The following YES1 variants were observed in gnomAD, a reference collection of about 807,000 sequenced individuals.
YES1 encodes tyrosine-protein kinase Yes.
YES1 carries 39 observed loss-of-function variants against 70.4 expected under a neutral mutation model. The ratio of observed to expected loss-of-function variants is 0.55; its 90% confidence interval spans 0.43 to 0.72. YES1 has a LOEUF of 0.72. YES1 is among the 30% of genes least tolerant of loss of function. YES1 has a pLI of 0.00. For synonymous variants in YES1, 198 were observed against 218.6 expected (o/e 0.91, Z 0.83); for missense variants, 495 against 644.8 (o/e 0.77, Z 2.52).
At chr18:768,692 GTTATTTATTTAT>G in intron 1 of YES1, among the ~76,000 whole-genome samples, 1 of 151,970 alleles carries the variant, frequency 6.6e-6, no homozygotes, top group South Asian at 2.1e-4. Flanking sequence ...GTTTAGATAT[GTTATTTATTTAT>G]TTATTTATTT....
At chr18:811,995 G>C (rs918396081) in intron 1 of YES1, 119 bp downstream of exon 1, 7 of 161,852 alleles carry the variant, frequency 4.3e-5, no homozygotes, top group African/African-American at 1.1e-4. Flanking sequence ...TTCCCGACTC[G>C]GGCCCGCGGG....
intron 1 of YES1, among the ~76,000 whole-genome samples, chr18:772,616 G>A (rs1371055480): frequency 6.7e-6 from 1 of 148,864 alleles, no homozygotes; most frequent in Non-Finnish European, 1.5e-5. Context: ...ATTTTTAGTA[G>A]AGACAGAGTT....
intron 1 of YES1, among the ~76,000 whole-genome samples, chr18:801,095 G>A (rs964221984): frequency 6.6e-6 from 1 of 152,114 alleles, no homozygotes; most frequent in Non-Finnish European, 1.5e-5. Context: ...GCAGTGAGCT[G>A]AGATCACGTC....
intron 1 of YES1, among the ~76,000 whole-genome samples, chr18:810,708 C>A (rs889243585): frequency 2.6e-5 from 4 of 152,134 alleles, no homozygotes; most frequent in African/African-American, 7.2e-5. Context: ...TAGCTAATGT[C>A]CAAAAATAAA....
intron 11 of YES1, among the ~76,000 whole-genome samples, chr18:730,396 G>A (rs1004539735): frequency 6.7e-6 from 1 of 150,296 alleles, no homozygotes; most frequent in Non-Finnish European, 1.5e-5. Flanking sequence ...CCAGGCTGGA[G>A]TGCAGTGGCG....
chr18:739,734 C>G lies in YES1; in HGVS notation c.1137+1G>C, dbSNP rs776251115. On this transcript the variant is annotated splice_donor_variant, in intron 9 of 11. Coordinates refer to ENST00000314574, the MANE Select transcript of YES1 (RefSeq NM_005433.4). LOFTEE classifies it high-confidence loss of function. ...ATGGATACATGTATATATACAGATA[C>G]CTGAGCAGCCATATCAACCAGCTGT... 1 of 1,609,204 alleles carries G rather than the reference C, an allele frequency of 6.2e-7. No homozygotes were observed. The highest frequency in any genetic ancestry group is 8.5e-7 in the Non-Finnish European group (1 of 1,177,344).
At chr18:759,076 T>C (rs1046192863) in intron 1 of YES1, among the ~76,000 whole-genome samples, 4 of 152,238 alleles carry the variant, frequency 2.6e-5, no homozygotes, top group Non-Finnish European at 5.9e-5. Flanking sequence ...TAGCTACATA[T>C]ATTAAAATAG....
chr18:732,733 A>G (rs1436384198), intron 11 of YES1, 101 bp downstream of exon 11: 9 of 1,463,850 alleles, frequency 6.1e-6, no homozygotes, highest in Middle Eastern at 3.5e-4. Flanking sequence ...GGGGACTATG[A>G]GAAGAAATAA....
chr18:748,609 A>T (rs750807618), intron 3 of YES1, among the ~76,000 whole-genome samples: 1 of 152,206 alleles, frequency 6.6e-6, no homozygotes, highest in Non-Finnish European at 1.5e-5. Flanking sequence ...TGCCCACTGC[A>T]TGCACCTTAT....
At chr18:763,671 T>C (rs1203967990) in intron 1 of YES1, among the ~76,000 whole-genome samples, 1 of 127,164 alleles carries the variant, frequency 7.9e-6, no homozygotes, top group East Asian at 2.5e-4. Flanking sequence ...GCCACTGCAC[T>C]CCATCCTGGA....
intron 10 of YES1, among the ~76,000 whole-genome samples, chr18:734,670 G>A (rs2080131027): frequency 6.6e-6 from 1 of 151,834 alleles, no homozygotes; most frequent in South Asian, 2.1e-4. Flanking sequence ...CTGTAAGAAT[G>A]GCCATAATGA....
intron 10 of YES1, among the ~76,000 whole-genome samples, chr18:733,761 C>A (rs1470879324): frequency 9.5e-6 from 1 of 105,662 alleles, no homozygotes; most frequent in Non-Finnish European, 1.7e-5. Flanking sequence ...CCAGCCTGGG[C>A]AACAGAGTGA....
At position 724,263 on chromosome 18, in the gene YES1, T is replaced by C; in HGVS notation, c.*161A>G. ...CATTGGTACATTAGAGTTTAATACT[T>C]GGGGAAAAAAAAGTGGTTTTGTGCA... On this transcript the variant is annotated 3_prime_UTR_variant, in exon 12 of 12. Coordinates refer to ENST00000314574, the MANE Select transcript of YES1 (RefSeq NM_005433.4). 1.5e-6 allele frequency: 1 copy of C among 656,978 alleles called. No individual in the cohort carries two copies. Among genetic ancestry groups the C allele is most frequent in the Admixed American group, 2.9e-5 (1 of 34,092 alleles). 40.7% of individuals were successfully genotyped at this position (656,978 alleles called of 1,614,324 possible).
At chr18:773,102 T>C (rs1452102252) in intron 1 of YES1, among the ~76,000 whole-genome samples, 2 of 152,236 alleles carry the variant, frequency 1.3e-5, no homozygotes, top group African/African-American at 2.4e-5. Context: ...CTTGCTTTAA[T>C]AGCTAGTAGA....
At chr18:740,131 T>C (rs1054243238) in intron 8 of YES1, among the ~76,000 whole-genome samples, 7 of 152,214 alleles carry the variant, frequency 4.6e-5, no homozygotes, top group Admixed American at 2.6e-4. Flanking sequence ...TATTTTTAAG[T>C]AAATCTGAAT....
chr18:792,757 T>A (rs1342609048), intron 1 of YES1, among the ~76,000 whole-genome samples: 1 of 151,668 alleles, frequency 6.6e-6, no homozygotes, highest in African/African-American at 2.4e-5. Context: ...GGCCAGGAGT[T>A]CAAGATCAGC....
chr18:794,909 G>C (rs1212045419), intron 1 of YES1, among the ~76,000 whole-genome samples: 1 of 152,090 alleles, frequency 6.6e-6, no homozygotes, highest in Non-Finnish European at 1.5e-5. Context: ...CTTGCCTCCC[G>C]GGTTCAAGCA....
chr18:776,335 A>G (rs991830209), intron 1 of YES1, among the ~76,000 whole-genome samples: 1 of 152,116 alleles, frequency 6.6e-6, no homozygotes, highest in Non-Finnish European at 1.5e-5. Flanking sequence ...CTGGGATTAC[A>G]GGCTCATGCC....
At chr18:800,393 T>C (rs546300226) in intron 1 of YES1, among the ~76,000 whole-genome samples, 94 of 152,306 alleles carry the variant, frequency 6.2e-4, no homozygotes, top group Admixed American at 1.6e-3. Flanking sequence ...TTCCAGTCAT[T>C]TGGAGTTGGT....
Sources: gnomAD v4.1 joint callset for allele counts (sites outside exome capture counted in the v4.1 genomes callset) on GRCh38, gnomAD v4.1.1 for gene constraint, MANE v1.5 for transcripts, NCBI Gene and HGNC (gene_info 2026-07-23, HGNC 2026-07-21) for gene names.